Variants in CIMAP3 observed in about 807,000 individuals in gnomAD.
CIMAP3 encodes the protein ciliary microtubule-associated protein 3.
the CIMAP3 span, among the ~76,000 whole-genome samples, chr1:111,333,573 G>T: frequency 6.6e-6 from 1 of 152,172 alleles, no homozygotes; most frequent in Non-Finnish European, 1.5e-5. Flanking sequence ...GTAGGTGTTT[G>T]TGGTGACTGG....
the CIMAP3 span, among the ~76,000 whole-genome samples, chr1:111,350,577 C>T: frequency 6.6e-6 from 1 of 152,154 alleles, no homozygotes; most frequent in Non-Finnish European, 1.5e-5. Context: ...ACTCCTAATA[C>T]ATTGCTCTTT....
chr1:111,350,162 A>G, the CIMAP3 span: 1 of 1,614,088 alleles, frequency 6.2e-7, no homozygotes, highest in Non-Finnish European at 8.5e-7. Flanking sequence ...TGGCCAATGA[A>G]ATTTGGATCT....
At chr1:111,351,348 G>T in the CIMAP3 span, 2 of 1,536,348 alleles carry the variant, frequency 1.3e-6, no homozygotes, top group Non-Finnish European at 1.8e-6. Flanking sequence ...CTACCTTCAC[G>T]TGCTCCTCTT....
At chr1:111,343,462 A>G in the CIMAP3 span, among the ~76,000 whole-genome samples, 2 of 152,226 alleles carry the variant, frequency 1.3e-5, no homozygotes, top group Non-Finnish European at 1.5e-5. Flanking sequence ...TAAAATGTGC[A>G]TGATGGAAAC....
At chr1:111,352,175 GAGAT>G in the CIMAP3 span, 1 of 152,284 alleles carries the variant, frequency 6.6e-6, no homozygotes, top group African/African-American at 2.4e-5. Flanking sequence ...TCAGGCCTGA[GAGAT>G]AGACCCCTTT....
the CIMAP3 span, among the ~76,000 whole-genome samples, chr1:111,343,764 T>C: frequency 6.6e-6 from 1 of 152,244 alleles, no homozygotes; most frequent in Non-Finnish European, 1.5e-5. Context: ...AGGATGTAGA[T>C]GGGCCCAGTT....
chr1:111,332,786 T>G, the CIMAP3 span, among the ~76,000 whole-genome samples: 2 of 152,108 alleles, frequency 1.3e-5, no homozygotes, highest in South Asian at 4.1e-4. Context: ...CTGCAGGAGG[T>G]GACCCACAGG....
chr1:111,348,065 A>G, the CIMAP3 span, among the ~76,000 whole-genome samples: 1 of 152,230 alleles, frequency 6.6e-6, no homozygotes, highest in Admixed American at 6.5e-5. Flanking sequence ...GCTTGTGTTT[A>G]TATACATTAT....
chr1:111,340,561 C>T, the CIMAP3 span, among the ~76,000 whole-genome samples: 1 of 152,094 alleles, frequency 6.6e-6, no homozygotes, highest in Non-Finnish European at 1.5e-5. Flanking sequence ...TGAACAGACA[C>T]TTCTCAAAAG....
the CIMAP3 span, among the ~76,000 whole-genome samples, chr1:111,337,710 C>T: frequency 1.3e-5 from 2 of 152,148 alleles, no homozygotes; most frequent in African/African-American, 4.8e-5. Flanking sequence ...TCCTGAGTGA[C>T]CTACAAAGAG....
the CIMAP3 span, among the ~76,000 whole-genome samples, chr1:111,342,246 G>C: frequency 1.1e-4 from 17 of 152,186 alleles, no homozygotes; most frequent in Non-Finnish European, 1.9e-4. Context: ...ATACAGGCTA[G>C]GAGTAAGTGT....
At chr1:111,332,743 G>T in the CIMAP3 span, among the ~76,000 whole-genome samples, 1 of 152,164 alleles carries the variant, frequency 6.6e-6, no homozygotes, top group Admixed American at 6.5e-5. Context: ...TAGGACAATG[G>T]TGCATAGCTG....
chr1:111,352,801 T>C, the CIMAP3 span: 1 of 152,140 alleles, frequency 6.6e-6, no homozygotes, highest in Non-Finnish European at 1.5e-5. Context: ...TTAGGTCCCT[T>C]TGGAGGATAT....
At chr1:111,332,402 G>T in the CIMAP3 span, among the ~76,000 whole-genome samples, 1 of 152,164 alleles carries the variant, frequency 6.6e-6, no homozygotes, top group African/African-American at 2.4e-5. Context: ...CTTCTTGGCT[G>T]GTCTAGTTAT....
the CIMAP3 span, among the ~76,000 whole-genome samples, chr1:111,329,976 AT>A: frequency 1.3e-5 from 2 of 151,514 alleles, no homozygotes; most frequent in African/African-American, 4.9e-5. Flanking sequence ...AGCTTGGTTT[AT>A]TCTGGTGTCA....
chr1:111,350,231 G>GA, the CIMAP3 span: 1 of 1,581,618 alleles, frequency 6.3e-7, no homozygotes, highest in East Asian at 2.2e-5. Flanking sequence ...GAGGTAATAA[G>GA]ATTGGAACTT....
the CIMAP3 span, chr1:111,351,261 G>C: frequency 1.3e-6 from 2 of 1,594,396 alleles, no homozygotes; most frequent in East Asian, 4.5e-5. Context: ...CATTGCAGCT[G>C]TCCACAGACA....
At chr1:111,333,277 C>T in the CIMAP3 span, among the ~76,000 whole-genome samples, 431 of 152,304 alleles carry the variant, frequency 2.8e-3, 1 homozygote, top group African/African-American at 9.7e-3. Flanking sequence ...TCGGGCTCCA[C>T]ACTGCTGGGC....
At chr1:111,331,270 T>G in the CIMAP3 span, among the ~76,000 whole-genome samples, 5 of 152,218 alleles carry the variant, frequency 3.3e-5, no homozygotes, top group Non-Finnish European at 7.3e-5. Flanking sequence ...TGGGAAGTTT[T>G]TTGATATTAT....
Sources: gnomAD v4.1 joint callset for allele counts (sites outside exome capture counted in the v4.1 genomes callset) on GRCh38, gnomAD v4.1.1 for gene constraint, MANE v1.5 for transcripts, NCBI Gene and HGNC (gene_info 2026-07-23, HGNC 2026-07-21) for gene names.